The following KANK1 variants were observed in gnomAD, a reference collection of about 807,000 sequenced individuals.
KANK1 encodes the protein KN motif and ankyrin repeat domains 1.
KANK1 carries 109 observed loss-of-function variants against 106.2 expected under a neutral mutation model. The ratio of observed to expected loss-of-function variants is 1.03; its 90% CI spans 0.88 to 1.20. The LOEUF (loss-of-function observed/expected upper bound fraction) is 1.20. KANK1 is among the 50% of genes most tolerant of loss of function. The pLI, the probability that KANK1 is intolerant of heterozygous loss-of-function variation, is 0.00. For missense variants in KANK1, 2,399 were observed against 1,710.7 expected (o/e 1.40, Z -7.10); for synonymous variants, 873 against 652.2 (o/e 1.34, Z -5.16).
At chr9:617,727 CA>C (rs1832179731) in intron 1 of KANK1, among the ~76,000 whole-genome samples, 1 of 152,228 alleles carries the variant, frequency 6.6e-6, no homozygotes, top group Non-Finnish European at 1.5e-5. Context: ...TCTTCCTCAG[CA>C]GACATTCCGA....
chr9:608,825 G>T (rs1428992748), intron 1 of KANK1, among the ~76,000 whole-genome samples: 1 of 152,150 alleles, frequency 6.6e-6, no homozygotes, highest in Admixed American at 6.5e-5. Context: ...TGTTTCCAAG[G>T]GAGGTGAACT....
At chr9:548,518 GT>G (rs2061073345) in intron 1 of KANK1, among the ~76,000 whole-genome samples, 1 of 152,150 alleles carries the variant, frequency 6.6e-6, no homozygotes, top group East Asian at 1.9e-4. Context: ...TCTCAAGAAT[GT>G]TTAAGAAAAG....
rs949445319 is a variant in KANK1, at chr9:686,940, TG to T, written c.37+9936del. Reference sequence around the variant, plus strand: ...TAGAAAGGTAAAGGGGGCTTAGGGCTGGGGGCTTTTCCTCTGGGCTCTTATC... The same window carrying T: ...TAGAAAGGTAAAGGGGGCTTAGGGCTGGGGCTTTTCCTCTGGGCTCTTATC... On this transcript the variant is annotated intron_variant, in intron 2 of 11. Transcript: ENST00000382297. The T allele has an allele frequency of 6.3e-5, 62 of 984,928 alleles. No homozygotes were observed. In the African/African-American group the frequency reaches 1.0e-3, roughly 16 times the overall value. 61.0% of individuals were successfully genotyped at this position (984,928 alleles called of 1,614,324 possible).
rs144493687 is a variant in KANK1, at chr9:579,982, G to A, written c.-84+75228G>A. Among the ~76,000 whole-genome samples, 963 of 152,260 alleles carry A rather than the reference G, an allele frequency of 6.3e-3. 19 individuals carry two copies. The highest frequency in any genetic ancestry group is 0.022 in the African/African-American group (917 of 41,512). ...CAGTGATGCTGTGTCCGAAATTGGT[G>A]GGTTCTTGGTCTCACAGACTTCAAG... On this transcript the variant is annotated intron_variant, in intron 1 of 11. Transcript: ENST00000382297.
chr9:579,054 A>G (rs1821336476), intron 1 of KANK1, among the ~76,000 whole-genome samples: 1 of 152,246 alleles, frequency 6.6e-6, no homozygotes, highest in South Asian at 2.1e-4. Flanking sequence ...GCTGAAGCAG[A>G]GTATTCCGCA....
At chr9:504,362 G>C (rs1421858888), upstream of KANK1, among the ~76,000 whole-genome samples, 2 of 151,776 alleles carry the variant, frequency 1.3e-5, no homozygotes, top group African/African-American at 4.8e-5. Context: ...GCGCGGCGAC[G>C]AAGGTGCACG....
intron 1 of KANK1, among the ~76,000 whole-genome samples, chr9:534,066 G>C (rs182756453): frequency 7.2e-5 from 11 of 152,200 alleles, no homozygotes; most frequent in South Asian, 4.1e-4. Context: ...GGGAGAAAGG[G>C]GGGGGCAGAA....
At chr9:569,489 C>G (rs1818639107) in intron 1 of KANK1, among the ~76,000 whole-genome samples, 1 of 152,282 alleles carries the variant, frequency 6.6e-6, no homozygotes, top group East Asian at 1.9e-4. Context: ...ATGTGATTCC[C>G]TGTGCTGCCT....
At chr9:596,589 A>G (rs918223832) in intron 1 of KANK1, among the ~76,000 whole-genome samples, 7 of 151,752 alleles carry the variant, frequency 4.6e-5, no homozygotes, top group African/African-American at 7.3e-5. Context: ...CAGAGAGGCA[A>G]CGGGATTCAG....
At chr9:558,752 G>A (rs1815564246) in intron 1 of KANK1, 2 of 151,980 alleles carry the variant, frequency 1.3e-5, no homozygotes, top group Admixed American at 6.6e-5. Flanking sequence ...ATAAGGGCTA[G>A]AACAAAGAGT....
intron 1 of KANK1, among the ~76,000 whole-genome samples, chr9:537,775 G>C (rs1436951416): frequency 6.6e-6 from 1 of 152,212 alleles, no homozygotes; most frequent in Non-Finnish European, 1.5e-5. Flanking sequence ...GGCATCTAGG[G>C]AGTAGAGGCC....
intron 1 of KANK1, among the ~76,000 whole-genome samples, chr9:515,620 G>T (rs980932801): frequency 6.6e-6 from 1 of 151,722 alleles, no homozygotes; most frequent in Non-Finnish European, 1.5e-5. Context: ...TGTTAACTCA[G>T]TCTATTTATT....
At chr9:620,570 T>TTTTTTGG (rs1832916574) in intron 1 of KANK1, among the ~76,000 whole-genome samples, 1 of 151,922 alleles carries the variant, frequency 6.6e-6, no homozygotes, top group African/African-American at 2.4e-5. Context: ...ACCCGGCTAA[T>TTTTTTGG]TTTTTGGTAT....
intron 1 of KANK1, among the ~76,000 whole-genome samples, chr9:506,043 C>T (rs909914964): frequency 6.6e-6 from 1 of 152,140 alleles, no homozygotes; most frequent in Non-Finnish European, 1.5e-5. Flanking sequence ...TATAAATTTA[C>T]TCTTCTAAGG....
At chr9:558,248 C>T (rs866284813) in intron 1 of KANK1, among the ~76,000 whole-genome samples, 9 of 152,162 alleles carry the variant, frequency 5.9e-5, no homozygotes, top group Non-Finnish European at 8.8e-5. Flanking sequence ...TAGCAAACTG[C>T]TCACTGCAGG....
intron 6 of KANK1, 36 bp downstream of exon 6, chr9:732,653 C>A: frequency 6.2e-7 from 1 of 1,601,266 alleles, no homozygotes; most frequent in Non-Finnish European, 8.5e-7. Flanking sequence ...TTGCCCCTCC[C>A]ACATTTAATG....
chr9:590,963 G>T (rs1186725007), intron 1 of KANK1, among the ~76,000 whole-genome samples: 1 of 151,726 alleles, frequency 6.6e-6, no homozygotes, highest in Non-Finnish European at 1.5e-5. Context: ...TATGCGAGAG[G>T]TCTCTTTTCC....
At position 582,600 on chromosome 9, in the gene KANK1, A is replaced by C. The variant is rs962620748; in HGVS notation, c.-84+77846A>C. Among the ~76,000 whole-genome samples the C allele has an allele frequency of 1.1e-4, 16 of 152,200 alleles. 1 individual carries two copies. Among genetic ancestry groups the C allele is most frequent in the Non-Finnish European group, 2.9e-5 (2 of 68,038 alleles). On this transcript the variant is annotated intron_variant, in intron 1 of 11. Transcript: ENST00000382297. ...CATTATTTCAGATGCTGCCTTGCCC[A>C]TAGCACAACCAATGCATTTAAAAAA...
chr9:480,704 C>A (rs994258824), intron 3 of KANK1, among the ~76,000 whole-genome samples: 1 of 152,178 alleles, frequency 6.6e-6, no homozygotes, highest in Admixed American at 6.5e-5. Context: ...TCCTAAGCTC[C>A]CTGCCTCTGA....
Sources: allele counts gnomAD v4.1 joint callset (sites outside exome capture counted in the v4.1 genomes callset), GRCh38; gene constraint gnomAD v4.1.1; transcripts MANE v1.5; gene names NCBI Gene and HGNC (gene_info 2026-07-23, HGNC 2026-07-21).